DZIP3: variants seen among roughly 807,000 people sequenced by gnomAD.
DZIP3 encodes the protein E3 ubiquitin-protein ligase DZIP3.
Under a neutral mutation model 162.0 loss-of-function variants are expected in DZIP3, and 118 were observed. The ratio of observed to expected loss-of-function variants is 0.73; its 90% CI spans 0.63 to 0.85. DZIP3 has a LOEUF of 0.85. DZIP3 is among the 40% of genes least tolerant of loss of function. The pLI is 0.00. For synonymous variants in DZIP3, 438 were observed against 458.6 expected, an observed-to-expected ratio of 0.96 and a Z score of 0.57; for missense variants, 1,331 against 1,407.0, an observed-to-expected ratio of 0.95 and a Z score of 0.86.
At chr3:108,657,472 A>T (rs1943187510) in intron 19 of DZIP3, among the ~76,000 whole-genome samples, 1 of 152,230 alleles carries the variant, frequency 6.6e-6, no homozygotes, top group Non-Finnish European at 1.5e-5. Context: ...CCTGCCCTAA[A>T]AGAGCTCCTG....
chr3:108,631,966 T>A (rs1476173034), intron 8 of DZIP3, among the ~76,000 whole-genome samples: 1 of 152,072 alleles, frequency 6.6e-6, no homozygotes, highest in Non-Finnish European at 1.5e-5. Flanking sequence ...AGTCTCTAAT[T>A]TTCTTATTTC....
chr3:108,654,355 T>A, intron 19 of DZIP3, 45 bp downstream of exon 19: 1 of 1,605,602 alleles, frequency 6.2e-7, no homozygotes, highest in Non-Finnish European at 8.5e-7. Flanking sequence ...TATTGTTATC[T>A]GGTTTTTCCT....
intron 8 of DZIP3, among the ~76,000 whole-genome samples, chr3:108,631,055 A>ACGCACACATACACTCTCTCTCTCT: frequency 5.6e-5 from 1 of 18,006 alleles, no homozygotes; most frequent in East Asian, 2.5e-3. Flanking sequence ...ACACACACAC[A>ACGCACACATACACTCTCTCTCTCT]CTCTCTCTCT....
intron 8 of DZIP3, among the ~76,000 whole-genome samples, chr3:108,632,618 G>A (rs1487016149): frequency 6.6e-6 from 1 of 152,146 alleles, no homozygotes; most frequent in Non-Finnish European, 1.5e-5. Context: ...TGTGTATATA[G>A]TAGAGCAAAT....
rs147310914 is a variant in DZIP3 at position 108,663,974 on chromosome 3, C to T, written c.2423+1717C>T. 1.3e-3 allele frequency among the ~76,000 whole-genome samples: 194 copies of T among 152,266 alleles called. 1 individual carries two copies. The Middle Eastern group carries it at 0.014, about 11-fold the overall frequency. On this transcript the variant is annotated intron_variant, in intron 21 of 32. Coordinates refer to ENST00000361582, the MANE Select transcript of DZIP3 (RefSeq NM_014648.4). Reference sequence around the variant, plus strand: ...TAAAATTACATAAAACAGAGACTTCCAGGTCCACCAAAATGTATAGTCCTA... The same window carrying T: ...TAAAATTACATAAAACAGAGACTTCTAGGTCCACCAAAATGTATAGTCCTA...
At chr3:108,654,383 A>C in intron 19 of DZIP3, 73 bp downstream of exon 19, 1 of 1,539,674 alleles carries the variant, frequency 6.5e-7, no homozygotes, top group African/African-American at 1.4e-5. Flanking sequence ...TTTAAACAGC[A>C]TCACCCTTTG....
At chr3:108,654,605 GA>G (rs201627363) in intron 19 of DZIP3, among the ~76,000 whole-genome samples, 1 of 148,630 alleles carries the variant, frequency 6.7e-6, no homozygotes, top group Non-Finnish European at 1.5e-5. Context: ...TACCACAAAG[GA>G]AAAAAAAAGA....
At chr3:108,611,411 A>G in intron 4 of DZIP3, 82 bp downstream of exon 4, 1 of 1,522,708 alleles carries the variant, frequency 6.6e-7, no homozygotes, top group East Asian at 2.3e-5. Context: ...TTTAAACCAC[A>G]CAGTATAGCC....
At chr3:108,623,213 T>G (rs1941444996) in intron 5 of DZIP3, among the ~76,000 whole-genome samples, 1 of 151,908 alleles carries the variant, frequency 6.6e-6, no homozygotes, top group Non-Finnish European at 1.5e-5. Flanking sequence ...CCTTTACTTT[T>G]CCCTCTGCCT....
chr3:108,599,499 T>C (rs1939881797), intron 1 of DZIP3, among the ~76,000 whole-genome samples: 2 of 152,228 alleles, frequency 1.3e-5, no homozygotes, highest in Non-Finnish European at 2.9e-5. Flanking sequence ...TGCAACTTGT[T>C]AACTTGTTAT....
chr3:108,657,028 G>A (rs542972173), intron 19 of DZIP3, among the ~76,000 whole-genome samples: 297 of 152,308 alleles, frequency 1.9e-3, no homozygotes, highest in African/African-American at 6.1e-3. Flanking sequence ...TGAAAGTGAT[G>A]GGGAGAATGC....
At position 108,625,853 on chromosome 3, in the gene DZIP3, A is replaced by G. The variant is rs370498988; in HGVS notation, c.465A>G (p.Thr155=). The G allele has an allele frequency of 6.2e-7, 1 of 1,612,304 alleles. No homozygotes were observed. Among genetic ancestry groups the G allele is most frequent in the African/African-American group, 1.3e-5 (1 of 74,852 alleles). ...LTERGKKEDY[T]EAENKFLVMK... ...GTTTTATGTTACTACAGGATTATAC[A>G]GAAGCTGAGAATAAATTTCTGGTGA... The change falls in exon 7 of 33, where the codon ACA becomes ACG. Residue 155 remains threonine, a synonymous_variant. Coordinates refer to ENST00000361582, the MANE Select transcript of DZIP3 (RefSeq NM_014648.4).
At chr3:108,631,039 ACACACACACACACACACTCTCT>A (rs1196390700) in intron 8 of DZIP3, among the ~76,000 whole-genome samples, 14 of 94,768 alleles carry the variant, frequency 1.5e-4, no homozygotes, top group African/African-American at 6.1e-4. Context: ...ACACACACAC[ACACACACACACACACACTCTCT>A]CTCTCTCTCT....
At chr3:108,624,342 G>A (rs562537079) in intron 5 of DZIP3, 102 bp from the exon 6 acceptor site, 27 of 631,838 alleles carry the variant, frequency 4.3e-5, no homozygotes, top group Admixed American at 1.6e-4. Flanking sequence ...ATTTTTACTT[G>A]TTTTAATAAT....
In DZIP3 at chr3:108,592,017, A is replaced by G. The variant is rs907010624; in HGVS notation, c.-73+2178A>G. Among the ~76,000 whole-genome samples, 7 of 151,478 alleles carry G rather than the reference A, an allele frequency of 4.6e-5. No homozygotes were observed. The South Asian group carries it at 8.3e-4, about 18-fold the overall frequency. On this transcript the variant is annotated intron_variant, in intron 1 of 32. Transcript: ENST00000361582. ...AAAAAAGAGATGAGTCTGGGTCCCA[A>G]TGACCAAAGGCCTTATTAGCCTTAA...
At chr3:108,688,442 A>G in intron 29 of DZIP3, 151 bp from the exon 30 acceptor site, 3 of 843,070 alleles carry the variant, frequency 3.6e-6, no homozygotes, top group Non-Finnish European at 5.4e-6. Context: ...CTGAGTATAT[A>G]AGTATTGCCA....
At chr3:108,666,181 A>G (rs1300013279) in intron 21 of DZIP3, among the ~76,000 whole-genome samples, 1 of 152,150 alleles carries the variant, frequency 6.6e-6, no homozygotes, top group African/African-American at 2.4e-5. Flanking sequence ...AAAAGTGAGG[A>G]GGGTAAAGGC....
In DZIP3 at chr3:108,642,251, T is replaced by C. The variant is rs1942430118; in HGVS notation, c.1065-187T>C. The stretch of plus-strand genomic sequence containing the variant: ...CTGGCAATACTGCTTACTTGATAAT[T>C]CCAATGAAAGTGACAGTGTAGGGTT... On this transcript the variant is annotated intron_variant, in intron 12 of 32. Coordinates refer to ENST00000361582, the MANE Select transcript of DZIP3 (RefSeq NM_014648.4). Among the ~76,000 whole-genome samples, 8 of 150,700 alleles carry C rather than the reference T, an allele frequency of 5.3e-5. No individual in the cohort carries two copies. The Admixed American group carries it at 5.3e-4, about 10-fold the overall frequency.
intron 1 of DZIP3, among the ~76,000 whole-genome samples, chr3:108,601,729 C>T (rs2107461035): frequency 6.6e-6 from 1 of 152,222 alleles, no homozygotes; most frequent in African/African-American, 2.4e-5. Flanking sequence ...TTTGGATAAA[C>T]ATAGAGATTG....
Sources: gnomAD v4.1 joint callset for allele counts (sites outside exome capture counted in the v4.1 genomes callset) on GRCh38, gnomAD v4.1.1 for gene constraint, MANE v1.5 for transcripts, NCBI Gene and HGNC (gene_info 2026-07-23, HGNC 2026-07-21) for gene names.